Variants in FBXL17 observed in about 807,000 individuals in gnomAD.
FBXL17 encodes F-box and leucine rich repeat protein 17.
A neutral mutation model predicts 66.2 loss-of-function variants in FBXL17; 22 were observed. That is an observed-to-expected ratio of 0.33 (90% confidence interval 0.24 to 0.47). FBXL17 has a LOEUF of 0.47. FBXL17 is among the 20% of genes least tolerant of loss of function. FBXL17 has a pLI of 1.00. For missense variants in FBXL17, 878 were observed against 948.2 expected (o/e 0.93, Z 0.97); for synonymous variants, 474 against 400.5 (o/e 1.18, Z -2.19).
At chr5:108,283,556 T>C (rs909586492) in intron 4 of FBXL17, among the ~76,000 whole-genome samples, 2 of 151,968 alleles carry the variant, frequency 1.3e-5, no homozygotes, top group African/African-American at 2.4e-5. Flanking sequence ...GACTTAAATA[T>C]AGGAACCAAA....
intron 5 of FBXL17, among the ~76,000 whole-genome samples, chr5:108,215,025 T>C (rs558484958): frequency 6.6e-6 from 1 of 152,332 alleles, no homozygotes; most frequent in South Asian, 2.1e-4. Context: ...AGCCATATTA[T>C]AGCATATTTC....
intron 7 of FBXL17, among the ~76,000 whole-genome samples, chr5:108,012,792 G>A (rs992677573): frequency 3.3e-4 from 50 of 152,056 alleles, no homozygotes; most frequent in African/African-American, 1.2e-3. Context: ...AAGGCAGGCG[G>A]ATCACCTGAT....
intron 6 of FBXL17, among the ~76,000 whole-genome samples, chr5:108,139,435 G>A (rs962694841): frequency 6.6e-6 from 1 of 152,130 alleles, no homozygotes; most frequent in African/African-American, 2.4e-5. Flanking sequence ...CATTTTTTGA[G>A]TTCTCATAAG....
At chr5:108,098,782 G>A (rs990193060) in intron 6 of FBXL17, among the ~76,000 whole-genome samples, 1 of 148,396 alleles carries the variant, frequency 6.7e-6, no homozygotes, top group African/African-American at 2.5e-5. Flanking sequence ...CAAATGGAAT[G>A]CCATCAAACT....
At position 108,253,191 on chromosome 5, in the gene FBXL17, T is replaced by G. The variant is rs1424597841; in HGVS notation, c.1507-28963A>C. ...AACCTGTACTATATGAAAATTTCCT[T>G]GTAAGACAGGTTCCATGAATCACAG... On this transcript the variant is annotated intron_variant, in intron 4 of 8. Coordinates refer to ENST00000542267, the MANE Select transcript of FBXL17 (RefSeq NM_001163315.3). Among the ~76,000 whole-genome samples the G allele has an allele frequency of 2.0e-5, 3 of 152,284 alleles. No homozygotes were observed. In the East Asian group the frequency reaches 5.8e-4, roughly 29 times the overall value.
intron 4 of FBXL17, among the ~76,000 whole-genome samples, chr5:108,296,070 A>G (rs1758337800): frequency 6.6e-6 from 1 of 151,908 alleles, no homozygotes; most frequent in South Asian, 2.1e-4. Context: ...TTACACAATA[A>G]GCTCTCTGGA....
rs866375809 is a variant in FBXL17 at position 107,958,678 on chromosome 5, A to T, written c.1822+62247T>A. On this transcript the variant is annotated intron_variant, in intron 7 of 8. Coordinates refer to ENST00000542267, the MANE Select transcript of FBXL17 (RefSeq NM_001163315.3). ...GAACATGTATATAGGTGCTCCTGGC[A>T]TGCCCCTAAAACAACAGTTTCTTCT... 2.6e-5 allele frequency among the ~76,000 whole-genome samples: 4 copies of T among 152,164 alleles called. No individual in the cohort carries two copies. In the South Asian group the frequency reaches 8.3e-4, roughly 31 times the overall value.
At chr5:108,248,085 C>T (rs182288946) in intron 4 of FBXL17, among the ~76,000 whole-genome samples, 106 of 152,246 alleles carry the variant, frequency 7.0e-4, no homozygotes, top group African/African-American at 2.4e-3. Flanking sequence ...TGCTCTGTTG[C>T]TCCTCTGGTT....
At chr5:108,157,439 G>T (rs980727731) in intron 6 of FBXL17, among the ~76,000 whole-genome samples, 1 of 151,602 alleles carries the variant, frequency 6.6e-6, no homozygotes, top group African/African-American at 2.4e-5. Context: ...TTACAGGAAG[G>T]TTCGTTTTTT....
chr5:108,302,586 A>G (rs1758642550), intron 4 of FBXL17, among the ~76,000 whole-genome samples: 1 of 151,804 alleles, frequency 6.6e-6, no homozygotes, highest in African/African-American at 2.4e-5. Context: ...TGTAATTAAG[A>G]TAATTTTCCT....
chr5:107,915,490 A>G (rs1750098411), intron 7 of FBXL17, among the ~76,000 whole-genome samples: 1 of 152,154 alleles, frequency 6.6e-6, no homozygotes, highest in African/African-American at 2.4e-5. Context: ...GTGAAGAAAA[A>G]TTTCCACCAA....
At chr5:108,187,785 G>A (rs1753299160) in intron 5 of FBXL17, among the ~76,000 whole-genome samples, 1 of 152,188 alleles carries the variant, frequency 6.6e-6, no homozygotes, top group Non-Finnish European at 1.5e-5. Context: ...AATTTAGCCT[G>A]GTGAGACCTG....
chr5:108,374,734 C>A (rs545671213), intron 1 of FBXL17, among the ~76,000 whole-genome samples: 71 of 151,926 alleles, frequency 4.7e-4, no homozygotes, highest in Non-Finnish European at 8.8e-4. Flanking sequence ...GGGGAAATCA[C>A]TAACAGGAGG....
chr5:108,338,628 G>C (rs1388998692), intron 4 of FBXL17, among the ~76,000 whole-genome samples: 1 of 152,038 alleles, frequency 6.6e-6, no homozygotes, highest in African/African-American at 2.4e-5. Flanking sequence ...ACCTAGATGT[G>C]GCTACAACTA....
intron 4 of FBXL17, among the ~76,000 whole-genome samples, chr5:108,304,715 C>T (rs1758755661): frequency 6.6e-6 from 1 of 151,866 alleles, no homozygotes; most frequent in Admixed American, 6.6e-5. Flanking sequence ...GCCTAGGCAC[C>T]AAGAAACCTC....
chr5:108,246,104 T>A (rs1756083090), intron 4 of FBXL17, among the ~76,000 whole-genome samples: 1 of 152,118 alleles, frequency 6.6e-6, no homozygotes, highest in Non-Finnish European at 1.5e-5. Context: ...GTACAAGAGG[T>A]TGGACAAGGA....
intron 7 of FBXL17, among the ~76,000 whole-genome samples, chr5:107,986,873 G>T (rs1753029635): frequency 6.6e-6 from 1 of 151,892 alleles, no homozygotes; most frequent in Non-Finnish European, 1.5e-5. Context: ...AACAAAAAAT[G>T]TAATTTTAAC....
At chr5:107,959,381 AACACACACACACACACACACAC>A (rs57041975) in intron 7 of FBXL17, among the ~76,000 whole-genome samples, 1 of 147,886 alleles carries the variant, frequency 6.8e-6, no homozygotes, top group South Asian at 2.2e-4. Context: ...GGCTGCTATA[AACACACACACACACACACACAC>A]ACACACACAC....
chr5:108,126,790 T>C (rs1183047335), intron 6 of FBXL17, among the ~76,000 whole-genome samples: 3 of 151,356 alleles, frequency 2.0e-5, no homozygotes, highest in Non-Finnish European at 3.0e-5. Context: ...ATATTTTTGA[T>C]AAAAAGGTTT....
Sources: allele counts gnomAD v4.1 joint callset (sites outside exome capture counted in the v4.1 genomes callset), GRCh38; gene constraint gnomAD v4.1.1; transcripts MANE v1.5; gene names NCBI Gene and HGNC (gene_info 2026-07-23, HGNC 2026-07-21).